Variants in PUM2 observed in about 807,000 individuals in gnomAD.
PUM2 encodes the protein pumilio RNA binding family member 2.
Under a neutral mutation model 124.5 loss-of-function variants are expected in PUM2, and 57 were observed. The observed-to-expected ratio is 0.46, with a 90% CI of 0.37 to 0.57. The LOEUF (loss-of-function observed/expected upper bound fraction) is 0.57. Among genes scored for constraint, PUM2 ranks in the 20% least tolerant of loss-of-function variants. PUM2 has a pLI of 0.00. For synonymous variants in PUM2, 460 were observed against 446.1 expected (o/e 1.03, Z -0.39); for missense variants, 1,065 against 1,290.6 (o/e 0.83, Z 2.68).
chr2:20,254,805 T>G (rs1011629576), intron 19 of PUM2, 58 bp downstream of exon 19: 70 of 1,544,466 alleles, frequency 4.5e-5, no homozygotes, highest in Non-Finnish European at 6.2e-5. Flanking sequence ...CTGTGATAAC[T>G]AATAAAAGTC....
At chr2:20,304,626 C>G (rs1677783926) in intron 7 of PUM2, among the ~76,000 whole-genome samples, 1 of 152,174 alleles carries the variant, frequency 6.6e-6, no homozygotes, top group African/African-American at 2.4e-5. Context: ...AAATATTCAA[C>G]AGCCTTTTGT....
Position 20,263,433 on chromosome 2 carries a change from T to C in PUM2, c.1985A>G (p.Tyr662Cys), listed in dbSNP as rs1666777186. 3.7e-6 allele frequency: 6 copies of C among 1,613,208 alleles called. No individual in the cohort carries two copies. Among genetic ancestry groups the C allele is most frequent in the Admixed American group, 1.7e-5 (1 of 59,988 alleles). ...TTCTGCTCCAGGTGCTGCAGAGATA[T>C]ATCGACCACTACCATTTGTCAGTCC... ...LGGLTNGSGR[Y>C]ISAAPGAEAK... The change falls in exon 14 of 21, where the codon TAT (tyrosine) becomes TGT (cysteine). Residue 662 changes from tyrosine (Y) to cysteine (C), a missense_variant. Coordinates refer to ENST00000361078, the MANE Select transcript of PUM2 (RefSeq NM_015317.5).
chr2:20,327,739 G>A (rs1684012698), intron 1 of PUM2, among the ~76,000 whole-genome samples: 1 of 152,080 alleles, frequency 6.6e-6, no homozygotes, highest in African/African-American at 2.4e-5. Context: ...TCTGCCCGAG[G>A]GAAGGCCTAG....
At chr2:20,305,412 A>G (rs1677979854) in intron 7 of PUM2, among the ~76,000 whole-genome samples, 1 of 127,314 alleles carries the variant, frequency 7.9e-6, no homozygotes. Flanking sequence ...TGGGAAGCTG[A>G]GGCTGTACCA....
At position 20,249,830 on chromosome 2, in the gene PUM2, C is replaced by T. The variant is rs1438641206; in HGVS notation, c.*1755G>A. Reference sequence around the variant, plus strand: ...TTATCTTTCAGAAACTGAATATACACAGCAAGTTTTTTTCCAAAATATTTT... The same window carrying T: ...TTATCTTTCAGAAACTGAATATACATAGCAAGTTTTTTTCCAAAATATTTT... On this transcript the variant is annotated 3_prime_UTR_variant, in exon 21 of 21. Coordinates refer to ENST00000361078, the MANE Select transcript of PUM2 (RefSeq NM_015317.5). 1 of 152,600 alleles carries T rather than the reference C, an allele frequency of 6.6e-6. No individual in the cohort carries two copies. Among genetic ancestry groups the T allele is most frequent in the Non-Finnish European group, 1.5e-5 (1 of 68,028 alleles). 9.5% of individuals were successfully genotyped at this position (152,600 alleles called of 1,614,324 possible). A position where few individuals can be genotyped will look rare whatever the true frequency, so the allele number is the denominator to read the frequency against.
chr2:20,263,387 T>C lies in PUM2; in HGVS notation c.2031A>G (p.Ser677=). 1.9e-6 allele frequency: 3 copies of C among 1,614,092 alleles called. No individual in the cohort carries two copies. The highest frequency in any genetic ancestry group is 2.5e-6 in the Non-Finnish European group (3 of 1,179,908). ...PGAEAKYRSA[S]STSSLFSSSS... is the part of the protein sequence containing the mutation. ...TGGAGCTAAATAGACTGGAAGTGCTTGAAGCACTTCGATATTTTGCTTCTG... is the reference window on the plus strand; with the variant it reads ...TGGAGCTAAATAGACTGGAAGTGCTCGAAGCACTTCGATATTTTGCTTCTG... The change falls in exon 14 of 21, where the codon TCA becomes TCG. Residue 677 remains serine (S), a synonymous_variant. Coordinates refer to ENST00000361078, the MANE Select transcript of PUM2 (RefSeq NM_015317.5).
At chr2:20,255,491 A>T in intron 17 of PUM2, 150 bp from the exon 18 acceptor site, 2 of 732,234 alleles carry the variant, frequency 2.7e-6, no homozygotes, top group Admixed American at 3.0e-5. Flanking sequence ...TATGACTACC[A>T]CCATGTTAGA....
intron 2 of PUM2, among the ~76,000 whole-genome samples, chr2:20,321,980 CAA>C (rs573310695): frequency 2.8e-5 from 4 of 144,282 alleles, no homozygotes; most frequent in Non-Finnish European, 4.6e-5. Flanking sequence ...CATGCTGCAT[CAA>C]AAAAAAAAAT....
upstream of PUM2, among the ~76,000 whole-genome samples, chr2:20,351,865 G>A (rs745680736): frequency 1.3e-5 from 2 of 152,264 alleles, no homozygotes; most frequent in South Asian, 2.1e-4. Context: ...CACTGTGCCC[G>A]CAAGTGCCTG....
chr2:20,343,237 C>A (rs767651445), intron 1 of PUM2, among the ~76,000 whole-genome samples: 24 of 151,718 alleles, frequency 1.6e-4, no homozygotes, highest in Non-Finnish European at 3.2e-4. Flanking sequence ...ATAAAACAAA[C>A]AAAAAAATTA....
intron 7 of PUM2, among the ~76,000 whole-genome samples, chr2:20,306,256 G>A (rs1678262091): frequency 6.6e-6 from 1 of 152,052 alleles, no homozygotes; most frequent in Non-Finnish European, 1.5e-5. Flanking sequence ...GATGCTTGAT[G>A]GCATAAAGAT....
At chr2:20,341,410 G>T (rs147884332) in intron 1 of PUM2, among the ~76,000 whole-genome samples, 1 of 152,228 alleles carries the variant, frequency 6.6e-6, no homozygotes, top group African/African-American at 2.4e-5. Flanking sequence ...CATGTAAAAT[G>T]TCCATGATAT....
intron 8 of PUM2, among the ~76,000 whole-genome samples, chr2:20,296,463 C>G (rs949603640): frequency 1.3e-5 from 2 of 151,408 alleles, no homozygotes; most frequent in Non-Finnish European, 2.9e-5. Flanking sequence ...CCACTGCACT[C>G]CAGCCTGGGC....
chr2:20,315,348 A>G (rs1310445973), intron 3 of PUM2, among the ~76,000 whole-genome samples: 1 of 152,168 alleles, frequency 6.6e-6, no homozygotes, highest in Admixed American at 6.5e-5. Context: ...GAGAGGAAGT[A>G]TGTCAAGTCT....
At chr2:20,309,986 T>C (rs866052924) in intron 5 of PUM2, among the ~76,000 whole-genome samples, 1 of 152,104 alleles carries the variant, frequency 6.6e-6, no homozygotes, top group African/African-American at 2.4e-5. Flanking sequence ...ATTTGGAACA[T>C]ATGGAATGAA....
intron 1 of PUM2, 98 bp downstream of exon 1, chr2:20,350,499 T>C: frequency 1.0e-6 from 1 of 985,104 alleles, no homozygotes; most frequent in Non-Finnish European, 1.2e-6. Flanking sequence ...GCCCTCCCGC[T>C]GGCGATCGGC....
chr2:20,318,720 T>G, intron 2 of PUM2, 75 bp from the exon 3 acceptor site: 2 of 1,020,314 alleles, frequency 2.0e-6, no homozygotes, highest in Non-Finnish European at 3.0e-6. Flanking sequence ...CTCAAACATA[T>G]CACTGCTATG....
chr2:20,325,587 G>A (rs1683472345), intron 2 of PUM2, among the ~76,000 whole-genome samples: 1 of 151,182 alleles, frequency 6.6e-6, no homozygotes, highest in African/African-American at 2.4e-5. Context: ...GTGATAAAGG[G>A]AGTCTAAAAT....
chr2:20,314,886 C>T lies in PUM2; in HGVS notation c.161-2463G>A, dbSNP rs566691960. Among the ~76,000 whole-genome samples the T allele has an allele frequency of 9.9e-4, 149 of 151,236 alleles. 4 individuals are homozygous for T. The South Asian group carries it at 0.03, about 30-fold the overall frequency. The stretch of plus-strand genomic sequence containing the variant: ...AAGGCAATTAGAATAGAAAAAAGTG[C>T]TTTAACAAAAATATAATCCATGATA... On this transcript the variant is annotated intron_variant, in intron 3 of 20. Transcript: ENST00000361078.
Sources: gnomAD v4.1 joint callset for allele counts (sites outside exome capture counted in the v4.1 genomes callset) on GRCh38, gnomAD v4.1.1 for gene constraint, MANE v1.5 for transcripts, NCBI Gene and HGNC (gene_info 2026-07-23, HGNC 2026-07-21) for gene names.